The following CHST11 variants were observed in gnomAD, a reference collection of about 807,000 sequenced individuals.
CHST11 encodes the protein C4S-1.
Under a neutral mutation model 30.4 loss-of-function variants are expected in CHST11, and 9 were observed. That is an observed-to-expected ratio of 0.30 (90% CI 0.18 to 0.52). The LOEUF is 0.52. Ranked by LOEUF, CHST11 falls within the 20% of genes least tolerant of loss-of-function variation. The pLI, the probability that CHST11 is intolerant of heterozygous loss-of-function variation, is 0.97. For synonymous variants in CHST11, 152 were observed against 187.8 expected (o/e 0.81, Z 1.56); for missense variants, 348 against 460.6 (o/e 0.76, Z 2.24).
At chr12:104,690,404 C>T (rs140445405) in intron 2 of CHST11, among the ~76,000 whole-genome samples, 54 of 152,272 alleles carry the variant, frequency 3.5e-4, no homozygotes, top group Middle Eastern at 3.4e-3. Context: ...ATCCATTTGT[C>T]GCTTCTTGTT....
intron 1 of CHST11, among the ~76,000 whole-genome samples, chr12:104,562,194 G>A (rs187076841): frequency 2.6e-5 from 4 of 152,254 alleles, no homozygotes; most frequent in Admixed American, 1.3e-4. Context: ...GAATTGATTC[G>A]CAGAAATACG....
chr12:104,698,151 G>A (rs567497767), intron 2 of CHST11, among the ~76,000 whole-genome samples: 31 of 152,088 alleles, frequency 2.0e-4, no homozygotes, highest in Non-Finnish European at 4.1e-4. Context: ...GCCCTGTTCA[G>A]TGCACCCCTG....
chr12:104,623,023 C>T (rs1261352057), intron 2 of CHST11, among the ~76,000 whole-genome samples: 1 of 152,184 alleles, frequency 6.6e-6, no homozygotes, highest in Admixed American at 6.5e-5. Context: ...GGTCAGCAGA[C>T]GTTTTCTGTA....
intron 2 of CHST11, among the ~76,000 whole-genome samples, chr12:104,628,939 G>C (rs539078737): frequency 1.3e-5 from 2 of 152,314 alleles, no homozygotes; most frequent in South Asian, 4.1e-4. Flanking sequence ...TGCTGGCTTT[G>C]TGCCTAATGT....
At chr12:104,510,036 C>T in intron 1 of CHST11, among the ~76,000 whole-genome samples, 1 of 152,276 alleles carries the variant, frequency 6.6e-6, no homozygotes, top group East Asian at 1.9e-4. Flanking sequence ...TTTTTGGCAT[C>T]TAGCTGGAGG....
At chr12:104,679,243 T>G (rs1199279151) in intron 2 of CHST11, among the ~76,000 whole-genome samples, 1 of 152,162 alleles carries the variant, frequency 6.6e-6, no homozygotes, top group Middle Eastern at 3.2e-3. Flanking sequence ...GCCAGTGCTA[T>G]CTGAGGGAAG....
chr12:104,596,467 T>C (rs955715394), intron 1 of CHST11, among the ~76,000 whole-genome samples: 5 of 152,106 alleles, frequency 3.3e-5, no homozygotes, highest in Admixed American at 6.5e-5. Flanking sequence ...GAAGTGACAG[T>C]CCAAAAATGG....
At chr12:104,717,032 C>T (rs1300955446) in intron 2 of CHST11, among the ~76,000 whole-genome samples, 1 of 152,212 alleles carries the variant, frequency 6.6e-6, no homozygotes, top group East Asian at 1.9e-4. Context: ...ATCACTGAAT[C>T]CCCTGCCTCC....
intron 1 of CHST11, among the ~76,000 whole-genome samples, chr12:104,544,108 A>C (rs2038312403): frequency 6.8e-6 from 1 of 147,634 alleles, no homozygotes; most frequent in East Asian, 2.0e-4. Context: ...TGGGCAACAG[A>C]GAGAGACCCT....
chr12:104,498,730 T>C (rs919191410), intron 1 of CHST11, among the ~76,000 whole-genome samples: 2 of 152,248 alleles, frequency 1.3e-5, no homozygotes, highest in Admixed American at 1.3e-4. Context: ...GAGAGCCTGC[T>C]CAAGCGGATG....
chr12:104,511,577 G>A (rs568712132), intron 1 of CHST11, among the ~76,000 whole-genome samples: 5 of 152,132 alleles, frequency 3.3e-5, no homozygotes, highest in Non-Finnish European at 7.3e-5. Flanking sequence ...ATGCCACCTC[G>A]GCTAGGTCAT....
intron 1 of CHST11, among the ~76,000 whole-genome samples, chr12:104,541,114 CCTCTCT>C (rs67646775): frequency 0.14 from 20,050 of 147,452 alleles, 1,659 homozygotes; most frequent in East Asian, 0.37. Flanking sequence ...AGAATCTCTC[CCTCTCT>C]CTCTCTCTCT....
At chr12:104,740,787 G>A (rs979089887) in intron 2 of CHST11, among the ~76,000 whole-genome samples, 2 of 152,146 alleles carry the variant, frequency 1.3e-5, no homozygotes, top group African/African-American at 4.8e-5. Flanking sequence ...CTCTGTTCCT[G>A]GATATCTGTA....
At chr12:104,630,279 G>T (rs1354155474) in intron 2 of CHST11, among the ~76,000 whole-genome samples, 2 of 151,534 alleles carry the variant, frequency 1.3e-5, no homozygotes, top group Admixed American at 6.6e-5. Context: ...CACACTAGCT[G>T]TGTGGCTTTG....
At chr12:104,513,650 G>T (rs545629578) in intron 1 of CHST11, among the ~76,000 whole-genome samples, 6 of 152,286 alleles carry the variant, frequency 3.9e-5, no homozygotes, top group African/African-American at 1.4e-4. Flanking sequence ...GACCATCTGT[G>T]CCATAAGATG....
chr12:104,724,810 C>A (rs970581330), intron 2 of CHST11, among the ~76,000 whole-genome samples: 4 of 152,116 alleles, frequency 2.6e-5, no homozygotes, highest in Non-Finnish European at 5.9e-5. Context: ...ACAAGAACAC[C>A]CAGTTAATAT....
intron 1 of CHST11, among the ~76,000 whole-genome samples, chr12:104,471,287 G>A (rs1197402332): frequency 6.6e-6 from 1 of 152,142 alleles, no homozygotes; most frequent in African/African-American, 2.4e-5. Context: ...GGTACATAAT[G>A]GTCACTCAGT....
intron 1 of CHST11, among the ~76,000 whole-genome samples, chr12:104,582,863 C>T (rs987890064): frequency 6.6e-6 from 1 of 151,614 alleles, no homozygotes; most frequent in Non-Finnish European, 1.5e-5. Flanking sequence ...TTTTCCTTCT[C>T]CCCAAGTCAC....
rs1417146670 is a variant in CHST11 at position 104,676,073 on chromosome 12, T to G, written c.204+74082T>G. The stretch of plus-strand genomic sequence containing the variant: ...AAAGACCTGTTCAATGATCATCTTT[T>G]TATATTGTTTTGATTTTTGAGTCAT... On this transcript the variant is annotated intron_variant, in intron 2 of 2. Coordinates refer to ENST00000303694, the MANE Select transcript of CHST11 (RefSeq NM_018413.6). The surrounding 1 kb of genome is among the most constrained non-coding windows in gnomAD (Gnocchi z 4.4). Among the ~76,000 whole-genome samples the G allele has an allele frequency of 6.6e-6, 1 of 152,224 alleles. No individual in the cohort carries two copies. The highest frequency in any genetic ancestry group is 1.5e-5 in the Non-Finnish European group (1 of 68,044).
Sources: gnomAD v4.1 joint callset for allele counts (sites outside exome capture counted in the v4.1 genomes callset) on GRCh38, gnomAD v4.1.1 for gene constraint, Gnocchi (gnomAD v3.1) non-coding constraint, MANE v1.5 for transcripts, NCBI Gene and HGNC (gene_info 2026-07-23, HGNC 2026-07-21) for gene names.